The following NFIA variants were observed in gnomAD, a reference collection of about 807,000 sequenced individuals.
NFIA encodes nuclear factor 1 A-type.
A neutral mutation model predicts 62.8 loss-of-function variants in NFIA; 8 were observed. That is an observed-to-expected ratio of 0.13 (90% CI 0.07 to 0.23). The LOEUF (loss-of-function observed/expected upper bound fraction) is 0.23. Among genes scored for constraint, NFIA ranks in the 10% least tolerant of loss-of-function variants. NFIA has a pLI of 1.00. For synonymous variants in NFIA, 235 were observed against 238.1 expected, an observed-to-expected ratio of 0.99 and a Z score of 0.12; for missense variants, 410 against 642.1, an observed-to-expected ratio of 0.64 and a Z score of 3.91.
intron 2 of NFIA, among the ~76,000 whole-genome samples, chr1:61,255,221 A>G (rs186938077): frequency 6.6e-5 from 10 of 152,226 alleles, no homozygotes; most frequent in African/African-American, 2.2e-4. Flanking sequence ...ACCATCCACC[A>G]ATCACCCCCA....
At chr1:61,128,127 ATAATG>A (rs1426957359) in intron 2 of NFIA, among the ~76,000 whole-genome samples, 3 of 152,034 alleles carry the variant, frequency 2.0e-5, no homozygotes. Flanking sequence ...TTTTTATTCA[ATAATG>A]TAGACGTGGA....
At chr1:61,307,469 T>C (rs763459324) in intron 3 of NFIA, among the ~76,000 whole-genome samples, 1 of 152,208 alleles carries the variant, frequency 6.6e-6, no homozygotes, top group Non-Finnish European at 1.5e-5. Context: ...TTATGGTGTT[T>C]CGTTACAGCA....
chr1:61,284,053 A>G (rs1658328077), intron 3 of NFIA, among the ~76,000 whole-genome samples: 1 of 152,246 alleles, frequency 6.6e-6, no homozygotes, highest in Non-Finnish European at 1.5e-5. Context: ...ACTTTCTTTT[A>G]CAATTACCTA....
At chr1:61,092,171 T>G (rs1186005130) in intron 2 of NFIA, among the ~76,000 whole-genome samples, 1 of 152,206 alleles carries the variant, frequency 6.6e-6, no homozygotes, top group African/African-American at 2.4e-5. Context: ...GCCTAAAAGC[T>G]AAATCACAGT....
chr1:61,430,235 T>G lies in NFIA; in HGVS notation c.1512+3679T>G, dbSNP rs77782445. ...GCTGACTGCTCAGAAAAGCACTAAT[T>G]ATCATGCCCAGCACATAGTGGGTAC... On this transcript the variant is annotated intron_variant, in intron 10 of 10. Coordinates refer to ENST00000403491, the MANE Select transcript of NFIA (RefSeq NM_001134673.4). Among the ~76,000 whole-genome samples, 733 of 152,330 alleles carry G rather than the reference T, an allele frequency of 4.8e-3. 5 individuals carry two copies. Among genetic ancestry groups the G allele is most frequent in the Non-Finnish European group, 6.5e-3 (442 of 68,028 alleles).
At chr1:61,174,733 T>C (rs529243439) in intron 2 of NFIA, among the ~76,000 whole-genome samples, 10 of 152,332 alleles carry the variant, frequency 6.6e-5, no homozygotes, top group African/African-American at 2.4e-4. Context: ...GTACCTCCTG[T>C]GTGCCTGATA....
intron 9 of NFIA, among the ~76,000 whole-genome samples, chr1:61,420,692 C>T (rs1160020135): frequency 2.0e-5 from 3 of 152,010 alleles, no homozygotes; most frequent in Non-Finnish European, 1.5e-5. Context: ...AGGGAGACTC[C>T]CACACATGAA....
At chr1:61,353,536 T>C (rs1247192357) in intron 5 of NFIA, among the ~76,000 whole-genome samples, 3 of 152,224 alleles carry the variant, frequency 2.0e-5, no homozygotes, top group Admixed American at 6.5e-5. Context: ...TTGTGTACTT[T>C]GCAGAAAAAT....
chr1:61,412,025 A>C (rs912058678), intron 9 of NFIA, among the ~76,000 whole-genome samples: 2 of 152,080 alleles, frequency 1.3e-5, no homozygotes, highest in Non-Finnish European at 2.9e-5. Context: ...GATGGGGCAG[A>C]GAGGTAATGC....
intron 6 of NFIA, among the ~76,000 whole-genome samples, chr1:61,369,796 A>G (rs1255875111): frequency 6.6e-6 from 1 of 152,110 alleles, no homozygotes; most frequent in Non-Finnish European, 1.5e-5. Context: ...ATAAATATAT[A>G]TGTGTGCATA....
intron 7 of NFIA, among the ~76,000 whole-genome samples, chr1:61,397,013 A>G (rs1224648370): frequency 7.2e-6 from 1 of 138,980 alleles, no homozygotes. Context: ...AAAAAAAAAA[A>G]TAATAATAAT....
chr1:61,145,775 A>G (rs1211122678), intron 2 of NFIA, among the ~76,000 whole-genome samples: 1 of 152,130 alleles, frequency 6.6e-6, no homozygotes, highest in African/African-American at 2.4e-5. Context: ...CTTCTGCTTT[A>G]AATTTTATTG....
intron 2 of NFIA, among the ~76,000 whole-genome samples, chr1:61,109,063 A>G (rs1369599045): frequency 2.0e-5 from 3 of 151,806 alleles, no homozygotes; most frequent in African/African-American, 4.8e-5. Flanking sequence ...GAACTATAGA[A>G]CCCTTAAGTA....
chr1:61,277,666 G>T, intron 3 of NFIA, 81 bp downstream of exon 3: 1 of 1,423,306 alleles, frequency 7.0e-7, no homozygotes, highest in Admixed American at 1.7e-5. Flanking sequence ...GGATTTGGGG[G>T]CCTACCCTAT....
intron 10 of NFIA, among the ~76,000 whole-genome samples, chr1:61,431,980 C>T (rs1182604841): frequency 3.3e-5 from 5 of 152,074 alleles, no homozygotes; most frequent in Admixed American, 1.3e-4. Flanking sequence ...AAACTCTCCT[C>T]GAGTTGTTCA....
intron 2 of NFIA, among the ~76,000 whole-genome samples, chr1:61,237,223 G>A (rs1371647870): frequency 3.3e-5 from 5 of 152,146 alleles, no homozygotes; most frequent in African/African-American, 9.7e-5. Context: ...AACTTACATA[G>A]CCATGTCGCA....
intron 10 of NFIA, among the ~76,000 whole-genome samples, chr1:61,445,241 C>T (rs1353641472): frequency 2.0e-5 from 3 of 152,150 alleles, no homozygotes; most frequent in Non-Finnish European, 4.4e-5. Flanking sequence ...ATGCTATGTA[C>T]ATGTCCAGGT....
At chr1:61,160,700 C>T (rs1369936999) in intron 2 of NFIA, among the ~76,000 whole-genome samples, 1 of 152,166 alleles carries the variant, frequency 6.6e-6, no homozygotes, top group Non-Finnish European at 1.5e-5. Flanking sequence ...GCTTTAGTAG[C>T]CCACAAACGC....
At chr1:61,242,375 A>G (rs1019791265) in intron 2 of NFIA, among the ~76,000 whole-genome samples, 9 of 152,156 alleles carry the variant, frequency 5.9e-5, no homozygotes, top group Non-Finnish European at 8.8e-5. Context: ...TCCAAGGTAG[A>G]TAGAAGAAGC....
Sources: allele counts gnomAD v4.1 joint callset (sites outside exome capture counted in the v4.1 genomes callset), GRCh38; gene constraint gnomAD v4.1.1; transcripts MANE v1.5; gene names NCBI Gene and HGNC (gene_info 2026-07-23, HGNC 2026-07-21).